SGCZ: variants seen among roughly 807,000 people sequenced by gnomAD.
The protein encoded by SGCZ is sarcoglycan zeta, also known as zeta-sarcoglycan.
A neutral mutation model predicts 41.3 loss-of-function variants in SGCZ; 40 were observed. The ratio of observed to expected loss-of-function variants is 0.97; its 90% CI spans 0.75 to 1.26. SGCZ has a LOEUF of 1.26. Ranked by LOEUF, SGCZ falls within the 50% of genes most tolerant of loss-of-function variation. The pLI, the probability that SGCZ is intolerant of heterozygous loss-of-function variation, is 0.00. For synonymous variants in SGCZ, 206 were observed against 137.5 expected, an observed-to-expected ratio of 1.50 and a Z score of -3.49; for missense variants, 552 against 369.8, an observed-to-expected ratio of 1.49 and a Z score of -4.04.
chr8:14,353,313 A>G (rs1803168857), intron 2 of SGCZ, among the ~76,000 whole-genome samples: 1 of 152,138 alleles, frequency 6.6e-6, no homozygotes, highest in Non-Finnish European at 1.5e-5. Flanking sequence ...TTTAAAAGGC[A>G]TATTTCTTTC....
intron 4 of SGCZ, among the ~76,000 whole-genome samples, chr8:14,174,204 C>A (rs1454575297): frequency 2.0e-5 from 3 of 152,044 alleles, no homozygotes; most frequent in Admixed American, 1.3e-4. Context: ...AATTGAAACA[C>A]TTTACCTGTT....
chr8:14,944,304 C>T (rs1277964466), intron 1 of SGCZ, among the ~76,000 whole-genome samples: 1 of 152,174 alleles, frequency 6.6e-6, no homozygotes, highest in Admixed American at 6.5e-5. Flanking sequence ...CCCATGCCAA[C>T]AGAAACATAA....
intron 2 of SGCZ, among the ~76,000 whole-genome samples, chr8:14,547,014 T>A (rs933506699): frequency 2.0e-5 from 3 of 151,936 alleles, no homozygotes; most frequent in Non-Finnish European, 4.4e-5. Flanking sequence ...ATAATGCATA[T>A]AATCTTGCTG....
chr8:14,150,154 C>T (rs922349163), intron 5 of SGCZ, among the ~76,000 whole-genome samples: 1 of 152,078 alleles, frequency 6.6e-6, no homozygotes, highest in Non-Finnish European at 1.5e-5. Flanking sequence ...GCACAGACAA[C>T]CACGGCAAGA....
chr8:14,565,204 T>G (rs1054085112), intron 1 of SGCZ, among the ~76,000 whole-genome samples: 1 of 152,110 alleles, frequency 6.6e-6, no homozygotes, highest in East Asian at 1.9e-4. Context: ...TAAAAAATAA[T>G]TTTTTTCAGT....
chr8:14,165,655 G>C (rs1332306350), intron 4 of SGCZ, among the ~76,000 whole-genome samples: 1 of 152,042 alleles, frequency 6.6e-6, no homozygotes, highest in African/African-American at 2.4e-5. Flanking sequence ...TATATTAAAA[G>C]CTCTTATCAG....
chr8:14,093,397 T>C (rs1337499742), intron 7 of SGCZ, among the ~76,000 whole-genome samples: 2 of 152,104 alleles, frequency 1.3e-5, no homozygotes, highest in Admixed American at 6.6e-5. Flanking sequence ...AATTGGATCC[T>C]GATGTCTTTC....
chr8:14,293,133 G>C (rs1433185226), intron 3 of SGCZ, among the ~76,000 whole-genome samples: 3 of 151,880 alleles, frequency 2.0e-5, no homozygotes, highest in Non-Finnish European at 2.9e-5. Flanking sequence ...AGCTTAAATG[G>C]AGTCTAAGGA....
chr8:14,600,357 CT>C (rs1805550799), intron 1 of SGCZ, among the ~76,000 whole-genome samples: 1 of 152,156 alleles, frequency 6.6e-6, no homozygotes, highest in African/African-American at 2.4e-5. Flanking sequence ...AGATATTCCT[CT>C]GAAATCTGGG....
chr8:14,596,116 A>G (rs1343757344), intron 1 of SGCZ, among the ~76,000 whole-genome samples: 1 of 152,184 alleles, frequency 6.6e-6, no homozygotes, highest in East Asian at 1.9e-4. Context: ...TATCTCACTT[A>G]GTATCTGTCA....
intron 1 of SGCZ, among the ~76,000 whole-genome samples, chr8:14,802,819 G>A (rs553125088): frequency 5.9e-5 from 9 of 152,160 alleles, no homozygotes; most frequent in African/African-American, 2.2e-4. Context: ...AAGAAATAGG[G>A]TGAACTGCAA....
chr8:14,309,744 C>G (rs1801466201), intron 3 of SGCZ: 1 of 1,595,112 alleles, frequency 6.3e-7, no homozygotes, highest in Admixed American at 1.7e-5. Context: ...TGAACCAAAG[C>G]CTCTTCAAAA....
rs1440459884 is a variant in SGCZ at position 14,660,558 on chromosome 8, A to C, written c.40-105632T>G. Among the ~76,000 whole-genome samples the C allele has an allele frequency of 2.0e-4, 29 of 147,126 alleles. No homozygotes were observed. In the East Asian group the frequency reaches 5.8e-3, roughly 29 times the overall value. On this transcript the variant is annotated intron_variant, in intron 1 of 7. Coordinates refer to ENST00000382080, the MANE Select transcript of SGCZ (RefSeq NM_139167.4). ...TGCACTCCAGCCTGGGCAACAGAGC[A>C]AAAACTCCATCTCAAAAAAAAAAAA...
intron 4 of SGCZ, among the ~76,000 whole-genome samples, chr8:14,185,335 G>A (rs148064979): frequency 0.032 from 4,899 of 152,090 alleles, 101 homozygotes; most frequent in Middle Eastern, 0.082. Flanking sequence ...CCAGGGAGGC[G>A]TAGGTTGCAG....
intron 1 of SGCZ, among the ~76,000 whole-genome samples, chr8:14,806,992 C>A (rs1370813188): frequency 6.6e-6 from 1 of 151,998 alleles, no homozygotes; most frequent in Non-Finnish European, 1.5e-5. Flanking sequence ...ACATGATTAT[C>A]TCAATAGATG....
chr8:15,128,374 T>C (rs1585592162), intron 1 of SGCZ, among the ~76,000 whole-genome samples: 1 of 152,248 alleles, frequency 6.6e-6, no homozygotes, highest in East Asian at 1.9e-4. Flanking sequence ...AATGAAGTCT[T>C]GTCTCTGAAC....
At chr8:15,117,133 A>G (rs1178387441) in intron 1 of SGCZ, among the ~76,000 whole-genome samples, 1 of 152,176 alleles carries the variant, frequency 6.6e-6, no homozygotes, top group African/African-American at 2.4e-5. Context: ...GCATTTTGGG[A>G]GGCCAAGGCA....
intron 1 of SGCZ, among the ~76,000 whole-genome samples, chr8:15,048,359 G>C (rs769316323): frequency 6.6e-6 from 1 of 151,890 alleles, no homozygotes; most frequent in Admixed American, 6.6e-5. Context: ...AAGAGAGGTT[G>C]GTTAATGGGC....
At chr8:14,410,414 G>GA in intron 2 of SGCZ, among the ~76,000 whole-genome samples, 1 of 128,712 alleles carries the variant, frequency 7.8e-6, no homozygotes, top group Admixed American at 8.0e-5. Context: ...AAAAAAAACA[G>GA]AAAAGGCTGA....
Sources: allele counts gnomAD v4.1 joint callset (sites outside exome capture counted in the v4.1 genomes callset), GRCh38; gene constraint gnomAD v4.1.1; transcripts MANE v1.5; gene names NCBI Gene and HGNC (gene_info 2026-07-23, HGNC 2026-07-21).